Variants in RALYL observed in about 807,000 individuals in gnomAD.
The protein encoded by RALYL is RALY RNA binding protein like, also known as RNA-binding Raly-like protein.
Under a neutral mutation model 35.1 loss-of-function variants are expected in RALYL, and 29 were observed. The ratio of observed to expected loss-of-function variants is 0.83; its 90% confidence interval spans 0.61 to 1.13. RALYL has a LOEUF of 1.13. RALYL is among the 50% of genes most tolerant of loss of function. The pLI is 0.00. For synonymous variants in RALYL, 120 were observed against 127.6 expected, an observed-to-expected ratio of 0.94 and a Z score of 0.40; for missense variants, 359 against 360.4, an observed-to-expected ratio of 1.00 and a Z score of 0.03.
rs200027236 is a variant in RALYL, at chr8:84,853,747, T to G, written c.413+3720T>G. Reference sequence around the variant, plus strand: ...AGAATACCATGAAATAAAAACAGAATGGAGAGGCTGGACAAGATACATAGC... The same window carrying G: ...AGAATACCATGAAATAAAAACAGAAGGGAGAGGCTGGACAAGATACATAGC... On this transcript the variant is annotated intron_variant, in intron 5 of 8. Transcript: ENST00000521268. Among the ~76,000 whole-genome samples the G allele has an allele frequency of 3.3e-5, 5 of 152,220 alleles. No individual in the cohort carries two copies. The East Asian group carries it at 9.7e-4, about 29-fold the overall frequency.
chr8:84,660,705 T>G (rs1830739562), intron 2 of RALYL, among the ~76,000 whole-genome samples: 1 of 151,976 alleles, frequency 6.6e-6, no homozygotes, highest in Non-Finnish European at 1.5e-5. Flanking sequence ...AAATTTAACT[T>G]CCACTTTGAT....
At chr8:84,756,254 CAAGACACA>C (rs1811388932) in intron 2 of RALYL, among the ~76,000 whole-genome samples, 2 of 151,976 alleles carry the variant, frequency 1.3e-5, no homozygotes, top group Non-Finnish European at 2.9e-5. Flanking sequence ...GCAAAGAAAA[CAAGACACA>C]AAGTAAAGCA....
intron 1 of RALYL, among the ~76,000 whole-genome samples, chr8:84,498,446 G>C (rs943837296): frequency 6.6e-6 from 1 of 151,954 alleles, no homozygotes; most frequent in Non-Finnish European, 1.5e-5. Context: ...TGACTAAAAA[G>C]CCTCATCGAA....
chr8:84,520,416 G>A (rs916659023), intron 1 of RALYL, among the ~76,000 whole-genome samples: 17 of 152,240 alleles, frequency 1.1e-4, no homozygotes, highest in African/African-American at 2.4e-4. Context: ...TGATACCACC[G>A]TATGATCTTA....
intron 4 of RALYL, among the ~76,000 whole-genome samples, chr8:84,840,642 A>G (rs1833053885): frequency 6.6e-6 from 1 of 152,230 alleles, no homozygotes; most frequent in South Asian, 2.1e-4. Flanking sequence ...ACTTGAGAAG[A>G]GCAACTCCAA....
intron 2 of RALYL, among the ~76,000 whole-genome samples, chr8:84,587,297 A>C (rs1812239205): frequency 6.6e-6 from 1 of 152,214 alleles, no homozygotes; most frequent in African/African-American, 2.4e-5. Flanking sequence ...TCAGTTCTTG[A>C]GGAATTGATA....
At chr8:84,202,009 A>G (rs1409815525) in intron 1 of RALYL, among the ~76,000 whole-genome samples, 1 of 152,150 alleles carries the variant, frequency 6.6e-6, no homozygotes, top group Non-Finnish European at 1.5e-5. Flanking sequence ...ATGGTTATAC[A>G]GCATTCCATT....
At chr8:84,905,204 C>T (rs907964649) in intron 8 of RALYL, among the ~76,000 whole-genome samples, 1 of 152,162 alleles carries the variant, frequency 6.6e-6, no homozygotes, top group Admixed American at 6.5e-5. Context: ...CTTACTGTCA[C>T]TCAGCATAAT....
chr8:84,424,551 G>A (rs890214589), intron 1 of RALYL, among the ~76,000 whole-genome samples: 24 of 151,206 alleles, frequency 1.6e-4, no homozygotes, highest in African/African-American at 4.4e-4. Context: ...CTCTCAGCTC[G>A]TCAAAGTCAT....
intron 1 of RALYL, among the ~76,000 whole-genome samples, chr8:84,293,795 C>T (rs1220446592): frequency 6.6e-6 from 1 of 152,098 alleles, no homozygotes; most frequent in Non-Finnish European, 1.5e-5. Flanking sequence ...ATCTCCTCAC[C>T]TTTTAGGATA....
chr8:84,363,608 T>G (rs1853559989), intron 1 of RALYL, among the ~76,000 whole-genome samples: 1 of 152,182 alleles, frequency 6.6e-6, no homozygotes, highest in South Asian at 2.1e-4. Flanking sequence ...AGATTTGATA[T>G]TATTCTTATA....
chr8:84,647,548 A>G (rs1355809288), intron 2 of RALYL, among the ~76,000 whole-genome samples: 1 of 152,112 alleles, frequency 6.6e-6, no homozygotes, highest in Non-Finnish European at 1.5e-5. Flanking sequence ...AAGTTAACCT[A>G]TAATGAAATA....
At chr8:84,666,128 G>A (rs1831983098) in intron 2 of RALYL, among the ~76,000 whole-genome samples, 1 of 151,936 alleles carries the variant, frequency 6.6e-6, no homozygotes, top group South Asian at 2.1e-4. Flanking sequence ...CTTTGATTCT[G>A]CCAACCAAGG....
intron 2 of RALYL, among the ~76,000 whole-genome samples, chr8:84,765,322 T>G (rs1222871731): frequency 6.6e-6 from 1 of 152,166 alleles, no homozygotes; most frequent in East Asian, 1.9e-4. Flanking sequence ...TGGGGAAAGT[T>G]CTAGATTAGG....
At chr8:84,337,520 G>C (rs906749796) in intron 1 of RALYL, among the ~76,000 whole-genome samples, 4 of 151,956 alleles carry the variant, frequency 2.6e-5, no homozygotes, top group Admixed American at 2.0e-4. Context: ...GTCTATACAT[G>C]GCTACAGTAA....
chr8:84,654,945 T>C lies in RALYL; in HGVS notation c.257-119634T>C, dbSNP rs140525152. Among the ~76,000 whole-genome samples the C allele has an allele frequency of 3.8e-4, 58 of 152,270 alleles. No individual in the cohort carries two copies. In the East Asian group the frequency reaches 9.9e-3, roughly 26 times the overall value. On this transcript the variant is annotated intron_variant, in intron 2 of 8. Transcript: ENST00000521268. ...AATTTCCTTTCTTTTTGGGTATATA[T>C]ACCTAGCGGTGGGATTGCTGGATCA...
At chr8:84,263,084 T>A (rs1026837154) in intron 1 of RALYL, among the ~76,000 whole-genome samples, 1 of 152,176 alleles carries the variant, frequency 6.6e-6, no homozygotes, top group African/African-American at 2.4e-5. Flanking sequence ...TATATCAATG[T>A]AGCAAAATTC....
intron 2 of RALYL, among the ~76,000 whole-genome samples, chr8:84,769,034 T>A (rs900490896): frequency 7.9e-5 from 12 of 152,238 alleles, no homozygotes; most frequent in Admixed American, 2.0e-4. Flanking sequence ...TCAAGCTTTT[T>A]ATTTATTGAT....
At chr8:84,593,306 T>C (rs1012387546) in intron 2 of RALYL, among the ~76,000 whole-genome samples, 3 of 152,070 alleles carry the variant, frequency 2.0e-5, no homozygotes, top group Non-Finnish European at 4.4e-5. Flanking sequence ...TTCCATATTG[T>C]CTGTGTTCTT....
Sources: allele counts gnomAD v4.1 joint callset (sites outside exome capture counted in the v4.1 genomes callset), GRCh38; gene constraint gnomAD v4.1.1; transcripts MANE v1.5; gene names NCBI Gene and HGNC (gene_info 2026-07-23, HGNC 2026-07-21).